CNTN5: variants seen among roughly 807,000 people sequenced by gnomAD.
CNTN5 encodes contactin 5, also known as contactin-5.
CNTN5 carries 77 observed loss-of-function variants against 129.1 expected under a neutral mutation model. The observed-to-expected ratio is 0.60, with a 90% CI of 0.50 to 0.72. The LOEUF is 0.72. CNTN5 is among the 30% of genes least tolerant of loss of function. The probability of loss-of-function intolerance (pLI) is 0.00; values close to 1 mark genes in which losing one functional copy is unlikely to be tolerated. For synonymous variants in CNTN5, 509 were observed against 465.6 expected, an observed-to-expected ratio of 1.09 and a Z score of -1.20; for missense variants, 1,478 against 1,328.8, an observed-to-expected ratio of 1.11 and a Z score of -1.75.
chr11:100,322,099 T>C (rs916133208), intron 21 of CNTN5, among the ~76,000 whole-genome samples: 6 of 152,226 alleles, frequency 3.9e-5, no homozygotes, highest in African/African-American at 1.4e-4. Flanking sequence ...TCCTGACTTC[T>C]AACAACACTA....
At chr11:99,563,579 C>T (rs1365487283) in intron 3 of CNTN5, among the ~76,000 whole-genome samples, 1 of 152,148 alleles carries the variant, frequency 6.6e-6, no homozygotes, top group African/African-American at 2.4e-5. Context: ...AGCATGTATT[C>T]TTTCCTACAA....
intron 16 of CNTN5, among the ~76,000 whole-genome samples, chr11:100,242,831 A>G (rs1949770603): frequency 6.6e-6 from 1 of 152,226 alleles, no homozygotes; most frequent in Admixed American, 6.5e-5. Context: ...CAAAGAGACT[A>G]ATTACATTTT....
At chr11:100,210,927 A>G (rs1949017253) in intron 15 of CNTN5, among the ~76,000 whole-genome samples, 1 of 152,234 alleles carries the variant, frequency 6.6e-6, no homozygotes, top group Non-Finnish European at 1.5e-5. Flanking sequence ...TGTGCTGCCA[A>G]GATAAGTTTG....
Position 99,425,656 on chromosome 11 carries a change from G to A in CNTN5, c.-71+100172G>A, listed in dbSNP as rs367592630. Among the ~76,000 whole-genome samples the A allele has an allele frequency of 1.6e-4, 24 of 152,338 alleles. No homozygotes were observed. The East Asian group carries it at 4.1e-3, about 26-fold the overall frequency. On this transcript the variant is annotated intron_variant, in intron 2 of 24. Transcript: ENST00000524871. ...GGAGCAGAGAAAGAGGCCAGAGAGTGGGAGCAGACACTTAGGAGCTTTCAA... is the reference window on the plus strand; with the variant it reads ...GGAGCAGAGAAAGAGGCCAGAGAGTAGGAGCAGACACTTAGGAGCTTTCAA...
intron 1 of CNTN5, among the ~76,000 whole-genome samples, chr11:99,320,469 G>A (rs1227173245): frequency 6.6e-6 from 1 of 152,104 alleles, no homozygotes; most frequent in Non-Finnish European, 1.5e-5. Context: ...CATAAATTTG[G>A]AAGTTTTTTG....
At chr11:99,345,343 T>C (rs1422272144) in intron 2 of CNTN5, among the ~76,000 whole-genome samples, 1 of 152,182 alleles carries the variant, frequency 6.6e-6, no homozygotes, top group Admixed American at 6.5e-5. Flanking sequence ...AATGACTTAT[T>C]AGGATTATGT....
chr11:100,290,128 C>A (rs1187472323), intron 18 of CNTN5, among the ~76,000 whole-genome samples: 3 of 151,334 alleles, frequency 2.0e-5, no homozygotes. Flanking sequence ...AATGGAAGAA[C>A]ATTCCATGCT....
intron 2 of CNTN5, among the ~76,000 whole-genome samples, chr11:99,383,938 A>G (rs1010594544): frequency 6.6e-6 from 1 of 152,182 alleles, no homozygotes; most frequent in Non-Finnish European, 1.5e-5. Context: ...TCTTTCACAT[A>G]AAAGAAGAAA....
intron 9 of CNTN5, among the ~76,000 whole-genome samples, chr11:100,029,426 CAAA>C (rs1352276567): frequency 6.6e-6 from 1 of 151,682 alleles, no homozygotes; most frequent in Non-Finnish European, 1.5e-5. Flanking sequence ...ACTAAAAATA[CAAA>C]AAAATTAGCC....
At chr11:99,914,998 T>C (rs899465131) in intron 6 of CNTN5, among the ~76,000 whole-genome samples, 1 of 152,140 alleles carries the variant, frequency 6.6e-6, no homozygotes, top group African/African-American at 2.4e-5. Flanking sequence ...CTTGTATTGC[T>C]ACAAAGCATA....
At chr11:99,592,523 G>A (rs1371616616) in intron 3 of CNTN5, among the ~76,000 whole-genome samples, 1 of 152,102 alleles carries the variant, frequency 6.6e-6, no homozygotes, top group African/African-American at 2.4e-5. Flanking sequence ...GATAACATGG[G>A]AAGACGCCAA....
intron 1 of CNTN5, among the ~76,000 whole-genome samples, chr11:99,236,313 A>T (rs957420655): frequency 8.5e-5 from 13 of 152,142 alleles, no homozygotes; most frequent in African/African-American, 3.1e-4. Context: ...AGGAAGGATA[A>T]GTACCAATGT....
intron 9 of CNTN5, among the ~76,000 whole-genome samples, chr11:100,013,897 A>C (rs1441526512): frequency 6.6e-6 from 1 of 152,178 alleles, no homozygotes; most frequent in African/African-American, 2.4e-5. Flanking sequence ...ATCATAGTAC[A>C]TGTATTCTTA....
intron 13 of CNTN5, among the ~76,000 whole-genome samples, chr11:100,128,531 T>C (rs1946271001): frequency 6.6e-6 from 1 of 152,176 alleles, no homozygotes; most frequent in Non-Finnish European, 1.5e-5. Flanking sequence ...AAAACATTTC[T>C]TTCTTTATTC....
chr11:99,288,988 G>C (rs572369801), intron 1 of CNTN5, among the ~76,000 whole-genome samples: 1 of 151,926 alleles, frequency 6.6e-6, no homozygotes, highest in African/African-American at 2.4e-5. Flanking sequence ...TAAAAGAGTA[G>C]CATGTGAACA....
intron 13 of CNTN5, among the ~76,000 whole-genome samples, chr11:100,105,198 A>AG (rs1320845703): frequency 6.6e-6 from 1 of 152,162 alleles, no homozygotes; most frequent in East Asian, 1.9e-4. Context: ...TCTGCTGCTG[A>AG]GGGGGAGAGA....
chr11:99,752,381 C>T (rs1255028139), intron 3 of CNTN5, among the ~76,000 whole-genome samples: 1 of 152,162 alleles, frequency 6.6e-6, no homozygotes, highest in East Asian at 1.9e-4. Flanking sequence ...TAGCAAACTA[C>T]TCTGGTGATT....
chr11:99,540,724 T>C (rs1488797481), intron 2 of CNTN5, among the ~76,000 whole-genome samples: 1 of 152,014 alleles, frequency 6.6e-6, no homozygotes, highest in Non-Finnish European at 1.5e-5. Context: ...GCTAAAGCAG[T>C]CTGAGCTACG....
intron 2 of CNTN5, among the ~76,000 whole-genome samples, chr11:99,415,206 C>G (rs1317498931): frequency 6.6e-6 from 1 of 152,112 alleles, no homozygotes; most frequent in East Asian, 1.9e-4. Flanking sequence ...CAAAGTTTTA[C>G]ACAACACGTT....
Sources: gnomAD v4.1 joint callset for allele counts (sites outside exome capture counted in the v4.1 genomes callset) on GRCh38, gnomAD v4.1.1 for gene constraint, MANE v1.5 for transcripts, NCBI Gene and HGNC (gene_info 2026-07-23, HGNC 2026-07-21) for gene names.